The following SRRM4 variants were observed in gnomAD, a reference collection of about 807,000 sequenced individuals.
SRRM4 encodes serine/arginine repetitive matrix protein 4.
Under a neutral mutation model 68.9 loss-of-function variants are expected in SRRM4, and 33 were observed. The observed-to-expected ratio is 0.48, with a 90% CI of 0.36 to 0.64. SRRM4 has a LOEUF of 0.64. SRRM4 is among the 30% of genes least tolerant of loss of function. SRRM4 has a pLI of 0.00. For synonymous variants in SRRM4, 318 were observed against 318.8 expected (o/e 1.00, Z 0.03); for missense variants, 817 against 827.1 (o/e 0.99, Z 0.15).
At chr12:119,138,236 C>T (rs539407199) in intron 8 of SRRM4, among the ~76,000 whole-genome samples, 21 of 152,100 alleles carry the variant, frequency 1.4e-4, no homozygotes, top group Non-Finnish European at 2.9e-4. Flanking sequence ...ATTCTACCAA[C>T]GTTGGCAGTT....
intron 1 of SRRM4, among the ~76,000 whole-genome samples, chr12:119,010,293 TCCGC>T (rs1401091855): frequency 6.6e-6 from 1 of 152,102 alleles, no homozygotes; most frequent in African/African-American, 2.4e-5. Context: ...CCTCAAGTAA[TCCGC>T]CCGCCTCAGC....
chr12:119,082,552 A>G (rs1386253029), intron 1 of SRRM4, among the ~76,000 whole-genome samples: 1 of 152,228 alleles, frequency 6.6e-6, no homozygotes. Context: ...ATAAGGATGC[A>G]TTTGAATGCT....
chr12:119,145,151 A>T (rs1034494434), intron 8 of SRRM4, among the ~76,000 whole-genome samples: 3 of 151,846 alleles, frequency 2.0e-5, no homozygotes, highest in African/African-American at 4.8e-5. Context: ...TTTTCTCTGC[A>T]TGATACCTAA....
chr12:119,074,263 C>T (rs1208816276), intron 1 of SRRM4, among the ~76,000 whole-genome samples: 2 of 152,104 alleles, frequency 1.3e-5, no homozygotes, highest in Admixed American at 6.5e-5. Context: ...ATGCAGGCCC[C>T]TTTACCCACA....
At chr12:119,050,432 C>A (rs573649846) in intron 1 of SRRM4, among the ~76,000 whole-genome samples, 1 of 152,308 alleles carries the variant, frequency 6.6e-6, no homozygotes, top group African/African-American at 2.4e-5. Flanking sequence ...CATAGCTAAT[C>A]GCATAAACAA....
At position 119,102,183 on chromosome 12, in the gene SRRM4, T is replaced by C; in HGVS notation, c.132-53T>C. The stretch of plus-strand genomic sequence containing the variant: ...AATTCTATGAATATTTAATGAACAT[T>C]AAGTGTCTCTGTATATTCTAACACT... On this transcript the variant is annotated intron_variant, in intron 1 of 12. Transcript: ENST00000267260. 5 of 1,501,158 alleles carry C rather than the reference T, an allele frequency of 3.3e-6. No individual in the cohort carries two copies. The South Asian group carries it at 6.1e-5, about 18-fold the overall frequency. 93.0% of individuals were successfully genotyped at this position (1,501,158 alleles called of 1,614,324 possible). A position where few individuals can be genotyped will look rare whatever the true frequency, so the allele number is the denominator to read the frequency against.
At chr12:119,046,599 A>G (rs1413186659) in intron 1 of SRRM4, among the ~76,000 whole-genome samples, 2 of 152,182 alleles carry the variant, frequency 1.3e-5, no homozygotes, top group Non-Finnish European at 2.9e-5. Context: ...TTAACTAAGG[A>G]CACACAGTTG....
At chr12:119,021,727 A>C (rs1594030617) in intron 1 of SRRM4, among the ~76,000 whole-genome samples, 1 of 152,174 alleles carries the variant, frequency 6.6e-6, no homozygotes, top group South Asian at 2.1e-4. Context: ...GAGGCTTCCA[A>C]CTTCATCCAT....
At chr12:119,139,265 G>A (rs1185174900) in intron 8 of SRRM4, among the ~76,000 whole-genome samples, 2 of 152,104 alleles carry the variant, frequency 1.3e-5, no homozygotes, top group African/African-American at 4.8e-5. Flanking sequence ...ACCATGGGAG[G>A]CCCCTTTTTC....
intron 4 of SRRM4, among the ~76,000 whole-genome samples, chr12:119,119,263 TG>T (rs1565912539): frequency 6.6e-6 from 1 of 151,986 alleles, no homozygotes; most frequent in Admixed American, 6.6e-5. Context: ...TTTTAAAAAA[TG>T]ATTTTTCACA....
At chr12:119,108,898 T>G (rs548612597) in intron 2 of SRRM4, among the ~76,000 whole-genome samples, 2 of 152,366 alleles carry the variant, frequency 1.3e-5, no homozygotes, top group South Asian at 2.1e-4. Context: ...CTTTAGTTGA[T>G]GCAATTTCTT....
At chr12:119,108,454 C>T (rs1235120292) in intron 2 of SRRM4, among the ~76,000 whole-genome samples, 2 of 152,262 alleles carry the variant, frequency 1.3e-5, no homozygotes, top group African/African-American at 4.8e-5. Context: ...GAGTCTAAGT[C>T]TCATTGTATG....
intron 1 of SRRM4, among the ~76,000 whole-genome samples, chr12:119,045,186 C>T (rs1025265368): frequency 1.3e-5 from 2 of 152,166 alleles, no homozygotes; most frequent in Non-Finnish European, 2.9e-5. Flanking sequence ...TAGTGCAAAG[C>T]TGGGATTTGA....
chr12:118,981,796 C>A lies in SRRM4; in HGVS notation c.-87C>A. On this transcript the variant is annotated 5_prime_UTR_variant, in exon 1 of 13. Coordinates refer to ENST00000267260, the MANE Select transcript of SRRM4 (RefSeq NM_194286.4). The stretch of plus-strand genomic sequence containing the variant: ...CTCTCTGGGTTTCACCCGGACAGAG[C>A]CGGGAGCTGGGTGTCGCCCCCGTTT... The A allele has an allele frequency of 6.8e-7, 1 of 1,479,268 alleles. No homozygotes were observed. The highest frequency in any genetic ancestry group is 9.1e-7 in the Non-Finnish European group (1 of 1,096,318). 91.6% of individuals were successfully genotyped at this position (1,479,268 alleles called of 1,614,324 possible).
intron 4 of SRRM4, among the ~76,000 whole-genome samples, chr12:119,119,422 G>T (rs532128706): frequency 1.8e-4 from 27 of 151,568 alleles, no homozygotes; most frequent in African/African-American, 6.3e-4. Flanking sequence ...CCCTGATGAT[G>T]ATAAGCTCAG....
At chr12:119,113,983 C>A in intron 2 of SRRM4, 1 of 211,260 alleles carries the variant, frequency 4.7e-6, no homozygotes, top group Non-Finnish European at 9.5e-6. Context: ...CAAGGCAAGC[C>A]ATTTGCAAAT....
At chr12:119,004,706 T>A (rs988940418) in intron 1 of SRRM4, among the ~76,000 whole-genome samples, 2 of 151,842 alleles carry the variant, frequency 1.3e-5, no homozygotes, top group African/African-American at 4.8e-5. Context: ...CTAGGACTCC[T>A]TTTCTCTCCT....
At chr12:119,117,239 A>C (rs969956180) in intron 4 of SRRM4, among the ~76,000 whole-genome samples, 4 of 152,164 alleles carry the variant, frequency 2.6e-5, no homozygotes, top group African/African-American at 9.7e-5. Context: ...AGCAGGAGTG[A>C]CTCAGGGACC....
intron 1 of SRRM4, among the ~76,000 whole-genome samples, chr12:118,992,580 G>C (rs1565885088): frequency 6.6e-6 from 1 of 152,222 alleles, no homozygotes; most frequent in Non-Finnish European, 1.5e-5. Flanking sequence ...GGAAGGGGCA[G>C]GTATCTGAGC....
Sources: allele counts gnomAD v4.1 joint callset (sites outside exome capture counted in the v4.1 genomes callset), GRCh38; gene constraint gnomAD v4.1.1; transcripts MANE v1.5; gene names NCBI Gene and HGNC (gene_info 2026-07-23, HGNC 2026-07-21).